The following SPOCK1 variants were observed in gnomAD, a reference collection of about 807,000 sequenced individuals.
SPOCK1 encodes SPARC (osteonectin), cwcv and kazal like domains proteoglycan 1.
Under a neutral mutation model 55.3 loss-of-function variants are expected in SPOCK1, and 23 were observed. That is an observed-to-expected ratio of 0.42 (90% CI 0.30 to 0.59). The LOEUF is 0.59. SPOCK1 is among the 20% of genes least tolerant of loss of function. SPOCK1 has a pLI of 0.22. For synonymous variants in SPOCK1, 226 were observed against 221.0 expected (o/e 1.02, Z -0.20); for missense variants, 499 against 552.5 (o/e 0.90, Z 0.97).
At position 137,156,206 on chromosome 5, in the gene SPOCK1, C is replaced by A. The variant is rs1754414034; in HGVS notation, c.233-15512G>T. Among the ~76,000 whole-genome samples, 5 of 152,112 alleles carry A rather than the reference C, an allele frequency of 3.3e-5. No homozygotes were observed. In the South Asian group the frequency reaches 8.3e-4, roughly 25 times the overall value. On this transcript the variant is annotated intron_variant, in intron 3 of 10. Transcript: ENST00000394945. ...GGGGAGGGCCCATAGCAATATAATA[C>A]TTTTGCACCAAGTATTGCTGCAAAA...
In SPOCK1 at chr5:137,388,453, G is replaced by A. The variant is rs545477120; in HGVS notation, c.186+109920C>T. Among the ~76,000 whole-genome samples, 8 of 152,272 alleles carry A rather than the reference G, an allele frequency of 5.3e-5. No homozygotes were observed. In the South Asian group the frequency reaches 1.5e-3, roughly 28 times the overall value. On this transcript the variant is annotated intron_variant, in intron 2 of 10. Coordinates refer to ENST00000394945, the MANE Select transcript of SPOCK1 (RefSeq NM_004598.4). Reference sequence around the variant, plus strand: ...ATTTACAAGACATTGTATAACAAAAGCAAGGTCACAAAACTATGCTCTATT... The same window carrying A: ...ATTTACAAGACATTGTATAACAAAAACAAGGTCACAAAACTATGCTCTATT...
chr5:137,157,927 T>C (rs1250392439), intron 3 of SPOCK1, among the ~76,000 whole-genome samples: 2 of 152,114 alleles, frequency 1.3e-5, no homozygotes, highest in Non-Finnish European at 2.9e-5. Context: ...CTGGGTGTGG[T>C]GGCGCTTGCC....
intron 6 of SPOCK1, among the ~76,000 whole-genome samples, chr5:137,048,951 G>T (rs1431146841): frequency 1.6e-5 from 2 of 126,364 alleles, no homozygotes; most frequent in Non-Finnish European, 3.3e-5. Flanking sequence ...TTTTCTTTAA[G>T]AATGTTGAAT....
At chr5:137,039,965 A>G (rs749922073) in intron 6 of SPOCK1, among the ~76,000 whole-genome samples, 1 of 152,252 alleles carries the variant, frequency 6.6e-6, no homozygotes, top group Non-Finnish European at 1.5e-5. Context: ...GAATAATAAC[A>G]GAACCGGCTG....
intron 2 of SPOCK1, among the ~76,000 whole-genome samples, chr5:137,450,082 T>A (rs1170518935): frequency 2.0e-5 from 3 of 152,126 alleles, no homozygotes; most frequent in Non-Finnish European, 4.4e-5. Flanking sequence ...AGGATCTTCT[T>A]TCCTCAATGC....
At position 137,204,675 on chromosome 5, in the gene SPOCK1, C is replaced by T. The variant is rs1395012394; in HGVS notation, c.232+62335G>A. 5.5e-5 allele frequency among the ~76,000 whole-genome samples: 8 copies of T among 145,866 alleles called. No homozygotes were observed. In the South Asian group the frequency reaches 1.3e-3, roughly 24 times the overall value. Reference sequence around the variant, plus strand: ...AATATTACAAGCAGCTTGTAACTGACCTTCCCACTTCCAACCCCACCAAAT... The same window carrying T: ...AATATTACAAGCAGCTTGTAACTGATCTTCCCACTTCCAACCCCACCAAAT... On this transcript the variant is annotated intron_variant, in intron 3 of 10. Transcript: ENST00000394945.
intron 3 of SPOCK1, among the ~76,000 whole-genome samples, chr5:137,148,443 T>C (rs1024357679): frequency 6.6e-6 from 1 of 152,174 alleles, no homozygotes; most frequent in Non-Finnish European, 1.5e-5. Context: ...CAGCCAAGCC[T>C]CCCTTCTCAA....
At chr5:137,180,383 A>G (rs1207101563) in intron 3 of SPOCK1, among the ~76,000 whole-genome samples, 1 of 152,148 alleles carries the variant, frequency 6.6e-6, no homozygotes, top group Non-Finnish European at 1.5e-5. Context: ...GGTAGGTGAC[A>G]AAGAAGAGAT....
At chr5:137,214,956 C>T (rs1486578709) in intron 3 of SPOCK1, among the ~76,000 whole-genome samples, 1 of 152,066 alleles carries the variant, frequency 6.6e-6, no homozygotes, top group Non-Finnish European at 1.5e-5. Context: ...ATATTTACTC[C>T]TTAATTGGGT....
chr5:137,269,237 A>G (rs1756914256), intron 2 of SPOCK1, among the ~76,000 whole-genome samples: 1 of 152,242 alleles, frequency 6.6e-6, no homozygotes, highest in Non-Finnish European at 1.5e-5. Flanking sequence ...GTGAAAACTC[A>G]TTATGCAAAA....
intron 3 of SPOCK1, among the ~76,000 whole-genome samples, chr5:137,167,089 A>G (rs1374131482): frequency 6.6e-6 from 1 of 152,098 alleles, no homozygotes; most frequent in African/African-American, 2.4e-5. Flanking sequence ...TCACCTATAA[A>G]GACACACATA....
At chr5:137,489,076 T>C (rs1200641072) in intron 2 of SPOCK1, among the ~76,000 whole-genome samples, 2 of 152,190 alleles carry the variant, frequency 1.3e-5, no homozygotes, top group African/African-American at 4.8e-5. Context: ...CACCAGTCTG[T>C]GAATGCATCT....
intron 2 of SPOCK1, among the ~76,000 whole-genome samples, chr5:137,476,588 G>A (rs974588187): frequency 6.6e-6 from 1 of 152,178 alleles, no homozygotes; most frequent in African/African-American, 2.4e-5. Context: ...CTCAGGCTGA[G>A]TGGGGCAGGG....
intron 3 of SPOCK1, among the ~76,000 whole-genome samples, chr5:137,223,695 CA>C (rs557566362): frequency 5.6e-4 from 85 of 152,024 alleles, no homozygotes; most frequent in African/African-American, 2.1e-3. Context: ...TCTAAATGTT[CA>C]AAAAATTGCT....
chr5:137,236,621 T>C (rs1756186497), intron 3 of SPOCK1, among the ~76,000 whole-genome samples: 1 of 152,166 alleles, frequency 6.6e-6, no homozygotes, highest in Admixed American at 6.5e-5. Flanking sequence ...CTCCAGCCCT[T>C]AGGTCCTGAG....
At position 136,979,322 on chromosome 5, in the gene SPOCK1, C is replaced by A. The variant is rs1004492180; in HGVS notation, c.1129+10G>T. The A allele has an allele frequency of 3.1e-6, 5 of 1,613,880 alleles. No homozygotes were observed. The highest frequency in any genetic ancestry group is 4.2e-6 in the Non-Finnish European group (5 of 1,179,862). ...GTCATTGTGGGGCTCATGCAGGAGG[C>A]CTTACTCACCACAGCTCACAGCACC... is the stretch of plus-strand genomic sequence containing the variant. On this transcript the variant is annotated intron_variant, in intron 10 of 10. Transcript: ENST00000394945.
At chr5:137,067,862 T>C (rs769796269) in intron 5 of SPOCK1, 33 bp from the exon 6 acceptor site, 30 of 1,583,362 alleles carry the variant, frequency 1.9e-5, no homozygotes, top group Non-Finnish European at 2.6e-5. Context: ...GTCTTAAGAA[T>C]GCAGCCATAA....
rs112930046 is a variant in SPOCK1, at chr5:137,083,590, T to C, written c.475-15761A>G. Among the ~76,000 whole-genome samples, 1,109 of 152,258 alleles carry C rather than the reference T, an allele frequency of 7.3e-3. 17 individuals carry two copies. Among genetic ancestry groups the C allele is most frequent in the African/African-American group, 0.025 (1,055 of 41,552 alleles). ...AAAACAGGCAAGGCTGCTGTCAGCT[T>C]GGGGCTTACATTCTAGTGATGAAAG... On this transcript the variant is annotated intron_variant, in intron 5 of 10. Coordinates refer to ENST00000394945, the MANE Select transcript of SPOCK1 (RefSeq NM_004598.4).
intron 6 of SPOCK1, among the ~76,000 whole-genome samples, chr5:137,013,568 A>AT (rs966105013): frequency 1.3e-5 from 2 of 152,152 alleles, no homozygotes; most frequent in African/African-American, 4.8e-5. Flanking sequence ...CCTAGAGAAC[A>AT]TTTTTTATTC....
Sources: gnomAD v4.1 joint callset for allele counts (sites outside exome capture counted in the v4.1 genomes callset) on GRCh38, gnomAD v4.1.1 for gene constraint, MANE v1.5 for transcripts, NCBI Gene and HGNC (gene_info 2026-07-23, HGNC 2026-07-21) for gene names.